The following SLK variants were observed in gnomAD, a reference collection of about 807,000 sequenced individuals.
SLK encodes the protein STE20 like kinase.
Under a neutral mutation model 147.7 loss-of-function variants are expected in SLK, and 67 were observed. The observed-to-expected ratio is 0.45, with a 90% CI of 0.37 to 0.56. SLK has a LOEUF of 0.56. SLK is among the 20% of genes least tolerant of loss of function. The probability of loss-of-function intolerance (pLI) is 0.00; values close to 1 mark genes in which losing one functional copy is unlikely to be tolerated. For synonymous variants in SLK, 441 were observed against 475.0 expected (o/e 0.93, Z 0.93); for missense variants, 1,136 against 1,438.8 (o/e 0.79, Z 3.41).
chr10:103,978,539 C>G (rs1843899375), intron 1 of SLK, among the ~76,000 whole-genome samples: 1 of 151,958 alleles, frequency 6.6e-6, no homozygotes, highest in Non-Finnish European at 1.5e-5. Flanking sequence ...AAGAACTAAT[C>G]GATTCAGTGA....
rs1843731888 is a variant in SLK at position 103,967,640 on chromosome 10, C to T, written c.-106C>T. 1.6e-5 allele frequency: 16 copies of T among 1,026,600 alleles called. No individual in the cohort carries two copies. The highest frequency in any genetic ancestry group is 7.3e-5 in the East Asian group (2 of 27,540). 63.6% of individuals were successfully genotyped at this position (1,026,600 alleles called of 1,614,324 possible). A position where few individuals can be genotyped will look rare whatever the true frequency, so the allele number is the denominator to read the frequency against. ...GAGCTGCGGGGGCCGAGGGACGCCG[C>T]GCCCGCCGCCGCCAGCCGGGCTCGC... On this transcript the variant is annotated 5_prime_UTR_variant, in exon 1 of 19. Transcript: ENST00000369755.
intron 1 of SLK, among the ~76,000 whole-genome samples, chr10:103,973,439 C>T (rs1843820434): frequency 6.6e-6 from 1 of 152,150 alleles, no homozygotes; most frequent in African/African-American, 2.4e-5. Flanking sequence ...TCTGCTGCTT[C>T]TTCAACATAG....
At chr10:103,979,344 A>T (rs532349122) in intron 1 of SLK, among the ~76,000 whole-genome samples, 3 of 152,236 alleles carry the variant, frequency 2.0e-5, no homozygotes, top group Non-Finnish European at 4.4e-5. Flanking sequence ...CTTGTAAAGC[A>T]TGTTTTATTT....
chr10:104,025,152 C>G (rs187017089), intron 18 of SLK, among the ~76,000 whole-genome samples: 1 of 152,276 alleles, frequency 6.6e-6, no homozygotes, highest in East Asian at 1.9e-4. Flanking sequence ...AAAGAAAATA[C>G]AGGCGCATCG....
chr10:104,020,091 G>A (rs180906839), intron 16 of SLK, among the ~76,000 whole-genome samples, 169 bp downstream of exon 16: 1 of 152,262 alleles, frequency 6.6e-6, no homozygotes, highest in East Asian at 1.9e-4. Flanking sequence ...ATACCAATTA[G>A]TCTTCCCCAG....
chr10:103,972,253 T>A (rs1303585485), intron 1 of SLK, among the ~76,000 whole-genome samples: 1 of 152,256 alleles, frequency 6.6e-6, no homozygotes, highest in Non-Finnish European at 1.5e-5. Context: ...GTTGCACATA[T>A]ACATGAGTTT....
chr10:103,967,599 C>T lies in SLK; in HGVS notation c.-147C>T. On this transcript the variant is annotated 5_prime_UTR_variant, in exon 1 of 19. Coordinates refer to ENST00000369755, the MANE Select transcript of SLK (RefSeq NM_014720.4). ...CCCGGGTCGCCGCCCCGCCTTCTCC[C>T]GGGACCGCCCGGCCGGAGCTGCGGG... 2.9e-6 allele frequency: 1 copy of T among 350,672 alleles called. No individual in the cohort carries two copies. Among genetic ancestry groups the T allele is most frequent in the East Asian group, 1.1e-4 (1 of 9,210 alleles). The allele number at this position is 350,672 out of a possible 1,614,324, so 21.7% of individuals were successfully genotyped here. A position where few individuals can be genotyped will look rare whatever the true frequency, so the allele number is the denominator to read the frequency against.
chr10:103,983,896 T>A (rs1352884009), intron 1 of SLK, among the ~76,000 whole-genome samples: 1 of 152,234 alleles, frequency 6.6e-6, no homozygotes, highest in Non-Finnish European at 1.5e-5. Context: ...GAGGTCCGTC[T>A]GAGTTTCAGC....
chr10:104,027,363 A>G lies in SLK; in HGVS notation c.*1643A>G, dbSNP rs1026477732. 6.6e-6 allele frequency: 1 copy of G among 152,500 alleles called. No individual in the cohort carries two copies. Among genetic ancestry groups the G allele is most frequent in the Non-Finnish European group, 1.5e-5 (1 of 68,012 alleles). 9.4% of individuals were successfully genotyped at this position (152,500 alleles called of 1,614,324 possible). ...TAACTTCTGGCCAAGTTTGTTTTTT[A>G]TATAAATATATATACATATATACAT... is the stretch of plus-strand genomic sequence containing the variant. On this transcript the variant is annotated 3_prime_UTR_variant, in exon 19 of 19. Coordinates refer to ENST00000369755, the MANE Select transcript of SLK (RefSeq NM_014720.4).
chr10:104,003,781 A>G lies in SLK; in HGVS notation c.2349+254A>G, dbSNP rs373149973. Among the ~76,000 whole-genome samples, 10 of 152,286 alleles carry G rather than the reference A, an allele frequency of 6.6e-5. No individual in the cohort carries two copies. The East Asian group carries it at 1.5e-3, about 23-fold the overall frequency. ...CAGTGTAATATGGTTGCTTGGTGTG[A>G]TTAGGTTCCTTTATTGGACATATCT... On this transcript the variant is annotated intron_variant, in intron 9 of 18. Transcript: ENST00000369755.
At chr10:103,987,035 T>C (rs531108007) in intron 1 of SLK, among the ~76,000 whole-genome samples, 2 of 152,346 alleles carry the variant, frequency 1.3e-5, no homozygotes, top group Non-Finnish European at 2.9e-5. Context: ...TTAAAAATAC[T>C]TTATGTCCCA....
At chr10:103,970,206 C>G (rs1235530321) in intron 1 of SLK, among the ~76,000 whole-genome samples, 4 of 152,146 alleles carry the variant, frequency 2.6e-5, no homozygotes, top group Non-Finnish European at 2.9e-5. Context: ...CTCATAGATG[C>G]AAACTTTGGG....
Position 104,025,803 on chromosome 10 carries a change from C to A in SLK, c.*83C>A. The A allele has an allele frequency of 8.4e-7, 1 of 1,187,568 alleles. No individual in the cohort carries two copies. The highest frequency in any genetic ancestry group is 1.2e-6 in the Non-Finnish European group (1 of 839,150). The allele number at this position is 1,187,568 out of a possible 1,614,324, so 73.6% of individuals were successfully genotyped here. A position where few individuals can be genotyped will look rare whatever the true frequency, so the allele number is the denominator to read the frequency against. On this transcript the variant is annotated 3_prime_UTR_variant, in exon 19 of 19. Transcript: ENST00000369755. ...TCTTCTGCCACAGTCTCTCAGATAG[C>A]TCATGAAGACAATCACCTGCCTCAC...
chr10:103,997,659 C>T (rs1844193010), intron 4 of SLK, among the ~76,000 whole-genome samples: 2 of 151,874 alleles, frequency 1.3e-5, no homozygotes, highest in Non-Finnish European at 2.9e-5. Context: ...GTATTATTTG[C>T]TCTTGCTTTC....
chr10:104,008,841 T>C (rs1002337991), intron 12 of SLK, among the ~76,000 whole-genome samples: 1 of 152,240 alleles, frequency 6.6e-6, no homozygotes, highest in Non-Finnish European at 1.5e-5. Flanking sequence ...AACGATTTTG[T>C]TTGTTGATTA....
At chr10:103,967,965 C>A in intron 1 of SLK, 70 bp downstream of exon 1, 1 of 1,494,370 alleles carries the variant, frequency 6.7e-7, no homozygotes. Context: ...GGCGGGAGGA[C>A]TTCTGCTCCC....
chr10:103,974,880 AG>A (rs202219714), intron 1 of SLK: 2,665 of 110,654 alleles, frequency 0.024, 37 homozygotes, highest in Non-Finnish European at 0.033. Context: ...CATGTTGGCC[AG>A]GATGGTCGCG....
chr10:103,980,549 G>C (rs1368743207), intron 1 of SLK, among the ~76,000 whole-genome samples: 2 of 152,008 alleles, frequency 1.3e-5, no homozygotes, highest in East Asian at 1.9e-4. Flanking sequence ...CCATGATTTT[G>C]ACTATCCTAA....
At chr10:104,005,760 A>G (rs1844316349) in intron 10 of SLK, 69 bp downstream of exon 10, 4 of 1,528,402 alleles carry the variant, frequency 2.6e-6, no homozygotes, top group Non-Finnish European at 3.6e-6. Context: ...AGTCAGAAGA[A>G]TAGAGAAACA....
Sources: allele counts gnomAD v4.1 joint callset (sites outside exome capture counted in the v4.1 genomes callset), GRCh38; gene constraint gnomAD v4.1.1; transcripts MANE v1.5; gene names NCBI Gene and HGNC (gene_info 2026-07-23, HGNC 2026-07-21).